Variants in STT3A observed in about 807,000 individuals in gnomAD.
The protein encoded by STT3A is dolichyl-diphosphooligosaccharide--protein glycosyltransferase subunit STT3A.
In STT3A, 34 loss-of-function variants were observed where a neutral mutation model predicts 89.2. That is an observed-to-expected ratio of 0.38 (90% CI 0.29 to 0.51). The LOEUF is 0.51. Ranked by LOEUF, STT3A falls within the 20% of genes least tolerant of loss-of-function variation. The pLI is 0.89. For missense variants in STT3A, 555 were observed against 889.5 expected (o/e 0.62, Z 4.78); for synonymous variants, 282 against 310.3 (o/e 0.91, Z 0.96).
rs76751219 is a variant in STT3A, at chr11:125,618,365, T to A, written c.1775-8T>A. On this transcript the variant is annotated splice_region_variant and splice_polypyrimidine_tract_variant and intron_variant, in intron 15 of 17. Transcript: ENST00000392708. ...GATGCAGCAGTTCTTTTTTTTTTTTTCTCCTAGATATCAACAAGTTTCTTT... is the reference window on the plus strand; with the variant it reads ...GATGCAGCAGTTCTTTTTTTTTTTTACTCCTAGATATCAACAAGTTTCTTT... 1.8e-5 allele frequency: 28 copies of A among 1,567,690 alleles called. No individual in the cohort carries two copies. The South Asian group carries it at 3.1e-4, about 17-fold the overall frequency.
intron 6 of STT3A, among the ~76,000 whole-genome samples, chr11:125,604,485 T>C (rs576754769): frequency 1.3e-5 from 2 of 152,226 alleles, no homozygotes; most frequent in African/African-American, 4.8e-5. Flanking sequence ...AATAGTTAAC[T>C]ATTGTTTTAA....
chr11:125,593,996 A>G (rs1443894227), intron 1 of STT3A, among the ~76,000 whole-genome samples: 13 of 152,222 alleles, frequency 8.5e-5, no homozygotes, highest in Non-Finnish European at 1.9e-4. Context: ...TAGGATAACT[A>G]TTATTAGGAG....
intron 15 of STT3A, among the ~76,000 whole-genome samples, chr11:125,617,191 C>T (rs924815386): frequency 6.6e-6 from 1 of 152,044 alleles, no homozygotes; most frequent in Non-Finnish European, 1.5e-5. Context: ...AGACACTGAA[C>T]GAAGATAGTA....
At chr11:125,619,920 C>T (rs1293196681) in intron 16 of STT3A, 91 bp from the exon 17 acceptor site, 12 of 1,076,152 alleles carry the variant, frequency 1.1e-5, no homozygotes, top group Non-Finnish European at 1.5e-5. Flanking sequence ...GAATAATCAT[C>T]AATTAGTAGA....
intron 3 of STT3A, 112 bp downstream of exon 3, chr11:125,597,231 A>C: frequency 9.1e-7 from 1 of 1,099,840 alleles, no homozygotes; most frequent in Non-Finnish European, 1.4e-6. Flanking sequence ...CTTTCAGTAC[A>C]TTTAAGGGAA....
chr11:125,604,200 T>C lies in STT3A; in HGVS notation c.461T>C (p.Val154Ala). The change falls in exon 6 of 18, where the codon GTT becomes GCT. Residue 154 changes from valine to alanine, a missense_variant. Transcript: ENST00000392708. ...CTTGCTGCTGCCATGATTGCTGTAG[T>C]TCCTGGATATATCTCCCGATCTGTG... is the stretch of plus-strand genomic sequence containing the variant. ...GLLAAAMIAV[V>A]PGYISRSVAG... The C allele has an allele frequency of 6.2e-7, 1 of 1,614,110 alleles. No individual in the cohort carries two copies.
intron 3 of STT3A, among the ~76,000 whole-genome samples, chr11:125,601,490 G>A (rs917274759): frequency 1.3e-5 from 2 of 151,970 alleles, no homozygotes; most frequent in Non-Finnish European, 2.9e-5. Context: ...GCATTGTGGC[G>A]AGCGCCTGTA....
rs1399834028 is a variant in STT3A, at chr11:125,612,729, C to T, written c.1347C>T (p.Thr449=). ...DKKSKKQQDS[T]YPIKNEVASG... is the part of the protein sequence containing the mutation. Reference sequence around the variant, plus strand: ...AGAGCAAGAAGCAACAGGATTCCACCTACCCTATTAAGAATGAAGTGAGAA... The same window carrying T: ...AGAGCAAGAAGCAACAGGATTCCACTTACCCTATTAAGAATGAAGTGAGAA... The change falls in exon 12 of 18, where the codon ACC becomes ACT. Residue 449 remains threonine, a synonymous_variant. Coordinates refer to ENST00000392708, the MANE Select transcript of STT3A (RefSeq NM_152713.5). The T allele has an allele frequency of 6.2e-7, 1 of 1,613,996 alleles. No individual in the cohort carries two copies. The highest frequency in any genetic ancestry group is 1.1e-5 in the South Asian group (1 of 91,058).
At position 125,596,056 on chromosome 11, in the gene STT3A, A is replaced by T. The variant is rs1422406687; in HGVS notation, c.88+53A>T. On this transcript the variant is annotated intron_variant, in intron 2 of 17. Coordinates refer to ENST00000392708, the MANE Select transcript of STT3A (RefSeq NM_152713.5). ...TTTGGGGATAGAAAGAAGAAAGTCT[A>T]GAAAAAAATTGAAAATCGCTATCTT... The T allele has an allele frequency of 1.7e-5, 24 of 1,419,260 alleles. No individual in the cohort carries two copies. In the South Asian group the frequency reaches 2.1e-4, roughly 12 times the overall value. 87.9% of individuals were successfully genotyped at this position (1,419,260 alleles called of 1,614,324 possible). A position where few individuals can be genotyped will look rare whatever the true frequency, so the allele number is the denominator to read the frequency against.
intron 8 of STT3A, among the ~76,000 whole-genome samples, chr11:125,606,878 A>C (rs916680572): frequency 6.6e-6 from 1 of 152,222 alleles, no homozygotes; most frequent in Non-Finnish European, 1.5e-5. Context: ...ATTGCTCCAC[A>C]GGGTTAACAG....
chr11:125,620,870 ATTTTTTTTT>A lies in STT3A; in HGVS notation c.*73_*81del. The A allele has an allele frequency of 3.4e-6, 3 of 892,554 alleles. No homozygotes were observed. The highest frequency in any genetic ancestry group is 4.7e-6 in the Non-Finnish European group (3 of 633,256). 55.3% of individuals were successfully genotyped at this position (892,554 alleles called of 1,614,324 possible). ...GCACATCACATTTAGGACGTTGAAG[ATTTTTTTTT>A]TTTTTTTTTTTTAATATGCAGTTTG... On this transcript the variant is annotated 3_prime_UTR_variant, in exon 18 of 18. Coordinates refer to ENST00000392708, the MANE Select transcript of STT3A (RefSeq NM_152713.5).
At chr11:125,606,950 A>G (rs1197367650) in intron 8 of STT3A, among the ~76,000 whole-genome samples, 1 of 152,202 alleles carries the variant, frequency 6.6e-6, no homozygotes, top group Non-Finnish European at 1.5e-5. Context: ...TTATCATGAA[A>G]ATGCAAACCT....
intron 1 of STT3A, chr11:125,595,105 C>G (rs184331511): frequency 1.3e-5 from 2 of 151,536 alleles, no homozygotes; most frequent in South Asian, 2.1e-4. Flanking sequence ...ATTTAGGGCT[C>G]GAAATTGTGT....
chr11:125,610,057 CTTTTTTTTTTTT>C (rs66578574), intron 10 of STT3A, among the ~76,000 whole-genome samples: 5 of 106,076 alleles, frequency 4.7e-5, no homozygotes, highest in South Asian at 6.5e-4. Flanking sequence ...TAACTTTTAC[CTTTTTTTTTTTT>C]TTTTTTTTTT....
At chr11:125,609,668 C>A in intron 10 of STT3A, 79 bp downstream of exon 10, 1 of 1,532,432 alleles carries the variant, frequency 6.5e-7, no homozygotes, top group Non-Finnish European at 8.8e-7. Flanking sequence ...TACCCTCATT[C>A]GTGTTTTGTT....
chr11:125,612,482 A>T, intron 11 of STT3A, 110 bp from the exon 12 acceptor site: 2 of 1,206,584 alleles, frequency 1.7e-6, no homozygotes, highest in Non-Finnish European at 2.3e-6. Context: ...CTTTTTGTGG[A>T]GGTCATGTTT....
rs1359759724 is a variant in STT3A at position 125,606,288 on chromosome 11, T to A, written c.616-13T>A. The A allele has an allele frequency of 1.2e-6, 2 of 1,610,510 alleles. No individual in the cohort carries two copies. Among genetic ancestry groups the A allele is most frequent in the African/African-American group, 2.7e-5 (2 of 74,714 alleles). The stretch of plus-strand genomic sequence containing the variant: ...CATACTCAGAGGAACTGTTTTTTTC[T>A]ATTCCATCATAGGTCTCGTCATGGG... On this transcript the variant is annotated splice_polypyrimidine_tract_variant and intron_variant, in intron 7 of 17. Coordinates refer to ENST00000392708, the MANE Select transcript of STT3A (RefSeq NM_152713.5).
At chr11:125,609,325 T>C in intron 9 of STT3A, 109 bp from the exon 10 acceptor site, 1 of 1,401,252 alleles carries the variant, frequency 7.1e-7, no homozygotes, top group East Asian at 2.4e-5. Context: ...AAAAACCTAA[T>C]CCTTCTCTGT....
chr11:125,617,232 A>G (rs989054967), intron 15 of STT3A, among the ~76,000 whole-genome samples: 1 of 152,210 alleles, frequency 6.6e-6, no homozygotes, highest in Non-Finnish European at 1.5e-5. Flanking sequence ...ACCATGTGAC[A>G]AACAACTTAC....
Sources: gnomAD v4.1 joint callset for allele counts (sites outside exome capture counted in the v4.1 genomes callset) on GRCh38, gnomAD v4.1.1 for gene constraint, MANE v1.5 for transcripts, NCBI Gene and HGNC (gene_info 2026-07-23, HGNC 2026-07-21) for gene names.